The following DMD variants were observed in gnomAD, a reference collection of about 807,000 sequenced individuals.
DMD encodes the protein mutant dystrophin.
DMD carries 63 observed loss-of-function variants against 330.1 expected under a neutral mutation model. The observed-to-expected ratio is 0.19, with a 90% CI of 0.16 to 0.24. DMD has a LOEUF of 0.24. DMD is among the 10% of genes least tolerant of loss of function. The pLI is 1.00. For missense variants in DMD, 3,344 were observed against 2,684.1 expected (o/e 1.25, Z -5.43); for synonymous variants, 1,223 against 959.8 (o/e 1.27, Z -5.07).
intron 62 of DMD, among the ~76,000 whole-genome samples, chrX:31,279,064 A>C (rs760182695): frequency 1.8e-5 from 2 of 112,573 alleles, no homozygotes; most frequent in South Asian, 7.4e-4. Flanking sequence ...TTTGAAAGTT[A>C]CCAGAAGGAA....
At chrX:32,319,167 C>T (rs976435006) in intron 41 of DMD, among the ~76,000 whole-genome samples, 2 of 111,163 alleles carry the variant, frequency 1.8e-5, no homozygotes, top group African/African-American at 6.5e-5. Context: ...ATTTTAGTCA[C>T]TAAGTATGGC....
chrX:32,158,319 G>A (rs1450033604), intron 44 of DMD, among the ~76,000 whole-genome samples: 2 of 111,213 alleles, frequency 1.8e-5, no homozygotes, highest in Non-Finnish European at 3.8e-5. Flanking sequence ...GATCATTTGA[G>A]CTCAGGAGTT....
In DMD at chrX:32,916,678, T is replaced by TA. The variant is rs1358614657; in HGVS notation, c.94-66859dup. Among the ~76,000 whole-genome samples, 10 of 111,771 alleles carry TA rather than the reference T, an allele frequency of 8.9e-5. No homozygotes were observed. The East Asian group carries it at 2.8e-3, about 32-fold the overall frequency. ...ATTGAAGATATAATTGGCTAAAGTTTAAAAAAGAGTAAAATATTTTTTTCC... is the reference window on the plus strand; with the variant it reads ...ATTGAAGATATAATTGGCTAAAGTTTAAAAAAAGAGTAAAATATTTTTTTCC... On this transcript the variant is annotated intron_variant, in intron 2 of 78. Transcript: ENST00000357033.
intron 7 of DMD, among the ~76,000 whole-genome samples, chrX:32,722,400 A>C (rs1029189343): frequency 9.0e-6 from 1 of 110,832 alleles, no homozygotes; most frequent in African/African-American, 3.3e-5. Flanking sequence ...AGATGTTTTA[A>C]AGTATATAGG....
intron 48 of DMD, among the ~76,000 whole-genome samples, chrX:31,861,717 G>A (rs969700954): frequency 2.2e-5 from 2 of 89,357 alleles, no homozygotes; most frequent in Admixed American, 1.4e-4. Context: ...TTTCTTATAA[G>A]GGAGGGAGAA....
intron 48 of DMD, among the ~76,000 whole-genome samples, chrX:31,866,905 A>G (rs56279781): frequency 0.1 from 11,594 of 111,014 alleles, 478 homozygotes; most frequent in Non-Finnish European, 0.12. Context: ...GTTAATAGCC[A>G]ATGCTGGCTA....
chrX:32,434,499 A>G (rs1185207850), intron 29 of DMD, among the ~76,000 whole-genome samples: 2 of 112,467 alleles, frequency 1.8e-5, no homozygotes, highest in Admixed American at 9.4e-5. Flanking sequence ...ATCATGGCCT[A>G]AAACAAATTC....
At chrX:33,143,926 T>C (rs994854740) in intron 1 of DMD, among the ~76,000 whole-genome samples, 1 of 111,495 alleles carries the variant, frequency 9.0e-6, no homozygotes, top group Admixed American at 9.6e-5. Context: ...AACAAATAAA[T>C]ATGAAGACCA....
chrX:32,974,300 G>A (rs2147156875), intron 2 of DMD, among the ~76,000 whole-genome samples: 1 of 111,113 alleles, frequency 9.0e-6, no homozygotes, highest in Non-Finnish European at 1.9e-5. Flanking sequence ...AGAGAGGAAT[G>A]GGGAGTGACT....
intron 48 of DMD, among the ~76,000 whole-genome samples, chrX:31,865,530 A>G (rs1435625619): frequency 8.9e-6 from 1 of 111,915 alleles, no homozygotes; most frequent in Non-Finnish European, 1.9e-5. Context: ...GGGAGTTACT[A>G]TTTGAATTTG....
intron 1 of DMD, among the ~76,000 whole-genome samples, chrX:33,174,888 A>G (rs193064653): frequency 1.8e-5 from 2 of 112,173 alleles, no homozygotes; most frequent in Admixed American, 1.9e-4. Flanking sequence ...AATCTTGTGG[A>G]CCCCAAGAGT....
chrX:32,609,788 G>C lies in DMD; in HGVS notation c.1482+4515C>G, dbSNP rs772401343. 1.2e-4 allele frequency among the ~76,000 whole-genome samples: 13 copies of C among 110,903 alleles called. No homozygotes were observed. The East Asian group carries it at 3.4e-3, about 29-fold the overall frequency. On this transcript the variant is annotated intron_variant, in intron 12 of 78. Transcript: ENST00000357033. ...TAACCTTCACTGAAGTCAGAATATAGAGTATATATTCACATCGGCAAATTC... is the reference window on the plus strand; with the variant it reads ...TAACCTTCACTGAAGTCAGAATATACAGTATATATTCACATCGGCAAATTC...
At chrX:31,846,479 A>C (rs2093429020) in intron 48 of DMD, among the ~76,000 whole-genome samples, 1 of 109,582 alleles carries the variant, frequency 9.1e-6, no homozygotes, top group Non-Finnish European at 1.9e-5. Context: ...ACAATCTTTA[A>C]GGATAGTTAT....
At chrX:33,036,173 T>G (rs988659508) in intron 1 of DMD, among the ~76,000 whole-genome samples, 1 of 111,403 alleles carries the variant, frequency 9.0e-6, no homozygotes, top group African/African-American at 3.3e-5. Flanking sequence ...TACCCTGATG[T>G]TTATACAATG....
chrX:32,739,650 T>C (rs916560249), intron 7 of DMD, among the ~76,000 whole-genome samples: 1 of 111,797 alleles, frequency 8.9e-6, no homozygotes, highest in Non-Finnish European at 1.9e-5. Context: ...ATTTGGAAAC[T>C]TGAGAAGTAT....
intron 78 of DMD, among the ~76,000 whole-genome samples, chrX:31,124,804 C>A (rs1484568989): frequency 9.0e-6 from 1 of 111,719 alleles, no homozygotes; most frequent in Non-Finnish European, 1.9e-5. Flanking sequence ...TGGCAAAGAT[C>A]CAAGACCTCA....
intron 60 of DMD, among the ~76,000 whole-genome samples, chrX:31,431,179 A>T: frequency 9.0e-6 from 1 of 111,217 alleles, no homozygotes; most frequent in Non-Finnish European, 1.9e-5. Flanking sequence ...ACAAAAAGAT[A>T]GTATATTAAA....
At chrX:31,140,316 CTCT>C (rs2035882162) in intron 76 of DMD, among the ~76,000 whole-genome samples, 1 of 112,347 alleles carries the variant, frequency 8.9e-6, no homozygotes, top group African/African-American at 3.2e-5. Context: ...AAATTATTTT[CTCT>C]TTTTTTTAAA....
Position 32,742,717 on chromosome X carries a change from A to G in DMD, c.650-43424T>C, listed in dbSNP as rs995442535. ...GCAACACAGACATTGGGCAGTAGGT[A>G]TAAGGAAAAAGGCTGGGGCCAAGAA... On this transcript the variant is annotated intron_variant, in intron 7 of 78. Coordinates refer to ENST00000357033, the MANE Select transcript of DMD (RefSeq NM_004006.3). Among the ~76,000 whole-genome samples the G allele has an allele frequency of 3.6e-5, 4 of 112,187 alleles. No individual in the cohort carries two copies. In the East Asian group the frequency reaches 1.1e-3, roughly 32 times the overall value.
Sources: gnomAD v4.1 joint callset for allele counts (sites outside exome capture counted in the v4.1 genomes callset) on GRCh38, gnomAD v4.1.1 for gene constraint, MANE v1.5 for transcripts, NCBI Gene and HGNC (gene_info 2026-07-23, HGNC 2026-07-21) for gene names.